Variants in IRF9 observed in about 807,000 individuals in gnomAD.
IRF9 encodes IFN-alpha-responsive transcription factor subunit.
IRF9 carries 13 observed loss-of-function variants against 44.1 expected under a neutral mutation model. The observed-to-expected ratio is 0.29, with a 90% CI of 0.19 to 0.47. The LOEUF (loss-of-function observed/expected upper bound fraction) is 0.47, where lower values mean the gene tolerates loss of function less well. Among genes scored for constraint, IRF9 ranks in the 20% least tolerant of loss-of-function variants. IRF9 has a pLI of 1.00. For synonymous variants in IRF9, 189 were observed against 188.5 expected, an observed-to-expected ratio of 1.00 and a Z score of -0.02; for missense variants, 373 against 496.1, an observed-to-expected ratio of 0.75 and a Z score of 2.36.
chr14:24,162,088 A>T (rs574164366), intron 1 of IRF9, 56 bp from the exon 2 acceptor site: 141 of 1,540,362 alleles, frequency 9.2e-5, no homozygotes, highest in Non-Finnish European at 1.2e-4. Flanking sequence ...GGGTCTCAGG[A>T]GATGTTCCCT....
chr14:24,164,163 G>T lies in IRF9; in HGVS notation c.649+29G>T, dbSNP rs759915983. 12 of 1,595,934 alleles carry T rather than the reference G, an allele frequency of 7.5e-6. No homozygotes were observed. The highest frequency in any genetic ancestry group is 4.0e-5 in the African/African-American group (3 of 74,456). On this transcript the variant is annotated intron_variant, in intron 6 of 8. Coordinates refer to ENST00000396864, the MANE Select transcript of IRF9 (RefSeq NM_006084.5). This position sits in a 1 kb window ranked among gnomAD's most constrained non-coding sequence, Gnocchi z 5.2. ...CGTGGCATTTCTGACTTTCTCCTGTGCCCTGTGCCCCTGAGGTCTTCCACC... is the reference window on the plus strand; with the variant it reads ...CGTGGCATTTCTGACTTTCTCCTGTTCCCTGTGCCCCTGAGGTCTTCCACC...
intron 7 of IRF9, chr14:24,165,296 C>A (rs1406307905): frequency 1.5e-6 from 1 of 672,444 alleles, no homozygotes; most frequent in Non-Finnish European, 2.7e-6. Flanking sequence ...AGCCTCATGG[C>A]CTTCTCCTAC....
rs1948454555 is a variant in IRF9, at chr14:24,164,720, C to T, written c.756C>T (p.Ser252=). The T allele has an allele frequency of 6.2e-7, 1 of 1,613,092 alleles. No individual in the cohort carries two copies. Among genetic ancestry groups the T allele is most frequent in the Non-Finnish European group, 8.5e-7 (1 of 1,179,840 alleles). The change falls in exon 7 of 9, where the codon AGC becomes AGT. Residue 252 remains serine, a synonymous_variant. Transcript: ENST00000396864. The surrounding 1 kb of genome is among the most constrained non-coding windows in gnomAD (Gnocchi z 5.2). ...RLVAEPSGSE[S]SMEQVLFPKP... ...TGGCTGAGCCCTCAGGCTCTGAGAG[C>T]AGCATGGAGCAGGTGCTGTTCCCCA...
chr14:24,163,288 C>T, intron 3 of IRF9, 90 bp from the exon 4 acceptor site: 1 of 1,555,500 alleles, frequency 6.4e-7, no homozygotes, highest in South Asian at 1.2e-5. Flanking sequence ...CTTCCTAGAC[C>T]TGCCCATCCT....
At chr14:24,162,797 CAAA>C (rs373571727) in intron 2 of IRF9, 166 bp from the exon 3 acceptor site, 1,929 of 444,070 alleles carry the variant, frequency 4.3e-3, no homozygotes, top group Middle Eastern at 5.7e-3. Flanking sequence ...GACTCTGTCT[CAAA>C]AAAAAAAAAA....
chr14:24,165,742 AC>A (rs1307965196), intron 7 of IRF9, 104 bp from the exon 8 acceptor site: 5 of 701,734 alleles, frequency 7.1e-6, no homozygotes, highest in Non-Finnish European at 1.2e-5. Flanking sequence ...CTCTGGCAAG[AC>A]CCCCTCCTAC....
Position 24,163,061 on chromosome 14 carries a change from T to C in IRF9, c.276T>C (p.Ser92=). 1 of 1,614,186 alleles carries C rather than the reference T, an allele frequency of 6.2e-7. No homozygotes were observed. The highest frequency in any genetic ancestry group is 8.5e-7 in the Non-Finnish European group (1 of 1,180,032). Residue 92 remains serine, a synonymous_variant, in exon 3 of 9, where the codon TCT becomes TCC. Coordinates refer to ENST00000396864, the MANE Select transcript of IRF9 (RefSeq NM_006084.5). ...TGCGCTGTGCACTCAACAAGAGTTCTGAATTTAAGGAGGTTCCTGAGAGGG... is the reference window on the plus strand; with the variant it reads ...TGCGCTGTGCACTCAACAAGAGTTCCGAATTTAAGGAGGTTCCTGAGAGGG... ...TRLRCALNKS[S]EFKEVPERGR... is the part of the protein sequence containing the mutation.
chr14:24,163,901 A>G lies in IRF9; in HGVS notation c.519A>G (p.Gly173=). Residue 173 remains glycine, a synonymous_variant, in exon 5 of 9, where the codon GGA becomes GGG. Transcript: ENST00000396864. ...LNNEEEGASG[G]AVHSDIGSSS... ...AGGAGGAGGAGGGGGCCAGTGGGGG[A>G]GCAGTCCATTCAGACATTGGGAGCA... 6.3e-7 allele frequency: 1 copy of G among 1,597,980 alleles called. No individual in the cohort carries two copies. Among genetic ancestry groups the G allele is most frequent in the Non-Finnish European group, 8.5e-7 (1 of 1,176,084 alleles).
chr14:24,163,323 C>T, intron 3 of IRF9, 55 bp from the exon 4 acceptor site: 5 of 1,591,996 alleles, frequency 3.1e-6, no homozygotes, highest in Admixed American at 1.7e-5. Context: ...CTCTCCTTCA[C>T]CCTCTGTCCT....
At position 24,163,034 on chromosome 14, in the gene IRF9, C is replaced by T. The variant is rs375936176; in HGVS notation, c.249C>T (p.Arg83=). ...GAGGTCCAGCTGTCTGGAAGACTCG[C>T]CTGCGCTGTGCACTCAACAAGAGTT... The part of the protein sequence containing the change: ...DTGGPAVWKT[R]LRCALNKSSE... The change falls in exon 3 of 9, where the codon CGC becomes CGT. Residue 83 remains arginine, a synonymous_variant. Transcript: ENST00000396864. 1.4e-5 allele frequency: 23 copies of T among 1,613,966 alleles called. No individual in the cohort carries two copies. The African/African-American group carries it at 2.8e-4, about 20-fold the overall frequency.
chr14:24,165,661 G>A (rs1385257015), intron 7 of IRF9, 186 bp from the exon 8 acceptor site: 3 of 589,638 alleles, frequency 5.1e-6, no homozygotes, highest in Admixed American at 6.1e-5. Flanking sequence ...TATGAGGCAG[G>A]GGCACCCTTT....
At chr14:24,166,003 C>A in intron 8 of IRF9, 41 bp downstream of exon 8, 1 of 1,586,648 alleles carries the variant, frequency 6.3e-7, no homozygotes, top group Non-Finnish European at 8.6e-7. Context: ...CTAATGAGAG[C>A]AGAGACAGTG....
At chr14:24,162,560 G>A (rs573474271) in intron 2 of IRF9, 13 of 482,330 alleles carry the variant, frequency 2.7e-5, no homozygotes, top group South Asian at 7.5e-5. Flanking sequence ...CCAGCACTTC[G>A]GGAGGCCAAG....
In IRF9 at chr14:24,166,145, C is replaced by T. The variant is rs778787037; in HGVS notation, c.1131C>T (p.Tyr377=). 12 of 1,614,004 alleles carry T rather than the reference C, an allele frequency of 7.4e-6. No individual in the cohort carries two copies. Among genetic ancestry groups the T allele is most frequent in the Non-Finnish European group, 8.5e-6 (10 of 1,180,030 alleles). Reference sequence around the variant, plus strand: ...AGATGGAGCAGGCCTTTGCCCGATACTTGCTGGAGCAGACTCCAGAGCAGC... The same window carrying T: ...AGATGGAGCAGGCCTTTGCCCGATATTTGCTGGAGCAGACTCCAGAGCAGC... ...TVKMEQAFAR[Y]LLEQTPEQQA... is the part of the protein sequence containing the mutation. Residue 377 remains tyrosine (Y), a synonymous_variant, in exon 9 of 9, where the codon TAC becomes TAT. Transcript: ENST00000396864.
chr14:24,163,576 A>G (rs2038486128), intron 4 of IRF9, 68 bp downstream of exon 4: 6 of 1,551,428 alleles, frequency 3.9e-6, no homozygotes, highest in Admixed American at 3.6e-5. Flanking sequence ...AGGTGGGCCA[A>G]TGAAAGACAC....
rs759520954 is a variant in IRF9, at chr14:24,166,240, G to A, written c.*44G>A. ...TCCACCTCACCTCTTTGTTCTTCCTGTCTCCTTTGAAGTAGACTCATTCTT... is the reference window on the plus strand; with the variant it reads ...TCCACCTCACCTCTTTGTTCTTCCTATCTCCTTTGAAGTAGACTCATTCTT... On this transcript the variant is annotated 3_prime_UTR_variant, in exon 9 of 9. Coordinates refer to ENST00000396864, the MANE Select transcript of IRF9 (RefSeq NM_006084.5). 2.6e-6 allele frequency: 4 copies of A among 1,550,638 alleles called. No individual in the cohort carries two copies. The highest frequency in any genetic ancestry group is 3.6e-6 in the Non-Finnish European group (4 of 1,125,658).
chr14:24,165,237 A>G, intron 7 of IRF9: 1 of 701,784 alleles, frequency 1.4e-6, no homozygotes, highest in Non-Finnish European at 2.6e-6. Flanking sequence ...ACACTGAAGC[A>G]TGCAGTCACT....
intron 7 of IRF9, chr14:24,165,429 A>T (rs1195419452): frequency 1.7e-6 from 1 of 581,892 alleles, no homozygotes; most frequent in African/African-American, 1.9e-5. Context: ...GCTCCTACTC[A>T]ATTCTAAACC....
Position 24,164,859 on chromosome 14 carries a change from T to G in IRF9, c.895T>G (p.Ser299Ala). The G allele has an allele frequency of 6.2e-7, 1 of 1,611,182 alleles. No individual in the cohort carries two copies. The highest frequency in any genetic ancestry group is 8.5e-7 in the Non-Finnish European group (1 of 1,179,918). Residue 299 changes from serine (S) to alanine (A), a missense_variant, in exon 7 of 9, where the codon TCC (serine) becomes GCC (alanine). Ser to Ala is a moderately conservative substitution (Grantham distance 99, BLOSUM62 1). Coordinates refer to ENST00000396864, the MANE Select transcript of IRF9 (RefSeq NM_006084.5). This position sits in a 1 kb window ranked among gnomAD's most constrained non-coding sequence, Gnocchi z 5.2. ...GCAGCGCCTTTGCCCCATCCCCATC[T>G]CCTGGAATGCACCCCAGGCTCCACC... ...FVQRLCPIPI[S>A]WNAPQAPPGP...
Sources: gnomAD v4.1 joint callset for allele counts on GRCh38, gnomAD v4.1.1 for gene constraint, Gnocchi (gnomAD v3.1) non-coding constraint, MANE v1.5 for transcripts, NCBI Gene and HGNC (gene_info 2026-07-23, HGNC 2026-07-21) for gene names.